Variants in SYNE2 observed in about 807,000 individuals in gnomAD.
The protein encoded by SYNE2 is spectrin repeat containing nuclear envelope protein 2.
A neutral mutation model predicts 856.3 loss-of-function variants in SYNE2; 431 were observed. The ratio of observed to expected loss-of-function variants is 0.50; its 90% CI spans 0.47 to 0.55. The LOEUF (loss-of-function observed/expected upper bound fraction) is 0.55, where lower values mean the gene tolerates loss of function less well. Among genes scored for constraint, SYNE2 ranks in the 20% least tolerant of loss-of-function variants. The pLI is 0.00. For synonymous variants in SYNE2, 2,923 were observed against 2,872.3 expected (o/e 1.02, Z -0.56); for missense variants, 8,129 against 8,023.2 (o/e 1.01, Z -0.50).
chr14:63,856,966 C>G (rs937623312), intron 1 of SYNE2, among the ~76,000 whole-genome samples: 1 of 152,058 alleles, frequency 6.6e-6, no homozygotes, highest in Non-Finnish European at 1.5e-5. Flanking sequence ...GAAGAGGTCT[C>G]ACCATGTTGC....
intron 2 of SYNE2, among the ~76,000 whole-genome samples, chr14:63,922,348 T>A (rs1157950435): frequency 6.6e-6 from 1 of 152,232 alleles, no homozygotes; most frequent in Non-Finnish European, 1.5e-5. Flanking sequence ...CTCCATCTTC[T>A]GGGAGGAAGT....
chr14:64,176,575 G>A (rs542247849), intron 95 of SYNE2, among the ~76,000 whole-genome samples: 25 of 152,230 alleles, frequency 1.6e-4, no homozygotes, highest in Middle Eastern at 3.4e-3. Flanking sequence ...AGCCAGCAGA[G>A]GAGAGGGGTG....
intron 1 of SYNE2, among the ~76,000 whole-genome samples, chr14:63,832,695 T>C (rs1166322826): frequency 2.0e-5 from 3 of 151,870 alleles, no homozygotes; most frequent in Admixed American, 1.3e-4. Context: ...AGTTTAACAA[T>C]TTACTTAAAA....
intron 10 of SYNE2, among the ~76,000 whole-genome samples, chr14:63,965,455 C>T (rs527815519): frequency 5.9e-5 from 9 of 152,246 alleles, no homozygotes; most frequent in South Asian, 2.1e-4. Context: ...GCTGTTTTTA[C>T]GTTGTGATGC....
At chr14:64,137,448 ACCATGTTGGTCAG>A (rs2153687692) in intron 78 of SYNE2, among the ~76,000 whole-genome samples, 1 of 152,148 alleles carries the variant, frequency 6.6e-6, no homozygotes, top group Non-Finnish European at 1.5e-5. Flanking sequence ...AGGAGGTTTC[ACCATGTTGGTCAG>A]CCTGGTCTCG....
intron 45 of SYNE2, among the ~76,000 whole-genome samples, chr14:64,032,730 G>A (rs544007020): frequency 2.4e-4 from 36 of 152,188 alleles, no homozygotes; most frequent in Admixed American, 1.2e-3. Flanking sequence ...GTGCCACCAC[G>A]CCTGGCTAAT....
chr14:64,024,923 A>T lies in SYNE2; in HGVS notation c.5852A>T (p.Asp1951Val). The T allele has an allele frequency of 6.2e-7, 1 of 1,613,994 alleles. No individual in the cohort carries two copies. The highest frequency in any genetic ancestry group is 8.5e-7 in the Non-Finnish European group (1 of 1,179,908). ...SLQQLLRLQD[D>V]HRNLRKWLTN... ...TAATGCTCTTTTAGACTCCAGGATG[A>T]CCATAGAAACCTGAGGAAGTGGTTG... Residue 1951 changes from aspartate (D) to valine (V), a missense_variant, in exon 40 of 116, where the codon GAC (aspartate) becomes GTC (valine). Coordinates refer to ENST00000555002, the MANE Select transcript of SYNE2 (RefSeq NM_182914.3).
chr14:64,184,358 G>GTGTGTGTGTGTGTGTGTGTGTGTGTA (rs989630777), intron 96 of SYNE2, among the ~76,000 whole-genome samples: 2 of 150,726 alleles, frequency 1.3e-5, no homozygotes, highest in African/African-American at 4.9e-5. Flanking sequence ...GTGTGTGTGT[G>GTGTGTGTGTGTGTGTGTGTGTGTGTA]TGTGTATGTG....
In SYNE2 at chr14:64,224,634, A is replaced by G. The variant is rs537683554; in HGVS notation, c.20469+87A>G. 3.4e-6 allele frequency: 5 copies of G among 1,473,800 alleles called. No homozygotes were observed. In the African/African-American group the frequency reaches 6.9e-5, roughly 20 times the overall value. 91.3% of individuals were successfully genotyped at this position (1,473,800 alleles called of 1,614,324 possible). ...GGGAAGCTTGGGATTCCAAGAGCCC[A>G]TTAGCCATTTCAGGACAGCACAGGT... On this transcript the variant is annotated intron_variant, in intron 114 of 115. Transcript: ENST00000555002.
chr14:63,872,229 G>A (rs1897016557), intron 1 of SYNE2, among the ~76,000 whole-genome samples: 1 of 151,904 alleles, frequency 6.6e-6, no homozygotes, highest in East Asian at 1.9e-4. Flanking sequence ...AGGAGTTCGA[G>A]ACCATCTTGG....
At chr14:64,207,149 G>A (rs1152596) in intron 100 of SYNE2, among the ~76,000 whole-genome samples, 8,666 of 152,208 alleles carry the variant, frequency 0.057, 478 homozygotes, top group East Asian at 0.33. Context: ...ATAACCTGGT[G>A]GTGTTCATTT....
chr14:63,990,636 G>T lies in SYNE2; in HGVS notation c.2472+67G>T, dbSNP rs1025288656. The T allele has an allele frequency of 1.4e-5, 19 of 1,351,740 alleles. No homozygotes were observed. In the Admixed American group the frequency reaches 3.2e-4, roughly 23 times the overall value. The allele number at this position is 1,351,740 out of a possible 1,614,324, so 83.7% of individuals were successfully genotyped here. A position where few individuals can be genotyped will look rare whatever the true frequency, so the allele number is the denominator to read the frequency against. On this transcript the variant is annotated intron_variant, in intron 20 of 115. Coordinates refer to ENST00000555002, the MANE Select transcript of SYNE2 (RefSeq NM_182914.3). The stretch of plus-strand genomic sequence containing the variant: ...AAACTGAGGGGTCACTGAGTGGGCA[G>T]TGAAGGGGGGTGATAGCCCTGTAGC...
In SYNE2 at chr14:64,052,590, A is replaced by G. The variant is rs760490307; in HGVS notation, c.8677A>G (p.Thr2893Ala). 11 of 1,614,016 alleles carry G rather than the reference A, an allele frequency of 6.8e-6. No homozygotes were observed. Among genetic ancestry groups the G allele is most frequent in the Admixed American group, 5.0e-5 (3 of 59,996 alleles). ...ELQEIDSGIS[T>A]HLQELTNIYE... ...GCAAGAAATTGACAGTGGAATCTCAACACATCTTCAGGAGCTAACAAACAT... is the reference window on the plus strand; with the variant it reads ...GCAAGAAATTGACAGTGGAATCTCAGCACATCTTCAGGAGCTAACAAACAT... Residue 2893 changes from threonine (T) to alanine (A), a missense_variant, in exon 48 of 116, where the codon ACA (threonine) becomes GCA (alanine). By Grantham distance (58) the Thr-to-Ala change is moderately conservative (BLOSUM62 0). This residue lies in a region of SYNE2 where 5,410 missense variants were observed against 5,284.8 expected (regional missense o/e 1.02). Transcript: ENST00000555002.
chr14:64,188,975 G>C, intron 98 of SYNE2: 1 of 702,522 alleles, frequency 1.4e-6, no homozygotes, highest in South Asian at 1.5e-5. Context: ...CAGGGAAGGG[G>C]CTTACATATC....
intron 16 of SYNE2, among the ~76,000 whole-genome samples, chr14:63,982,105 A>T (rs2096590010): frequency 6.6e-6 from 1 of 152,204 alleles, no homozygotes; most frequent in African/African-American, 2.4e-5. Flanking sequence ...AGGAGACACA[A>T]CAACATCCAT....
chr14:63,880,717 G>A (rs1017386850), intron 1 of SYNE2, among the ~76,000 whole-genome samples: 24 of 148,992 alleles, frequency 1.6e-4, no homozygotes, highest in African/African-American at 5.9e-4. Flanking sequence ...CTGGTGCCCA[G>A]GCTGGAGTAC....
chr14:63,768,571 T>G (rs1336734826), intron 1 of SYNE2, among the ~76,000 whole-genome samples: 3 of 152,164 alleles, frequency 2.0e-5, no homozygotes, highest in Non-Finnish European at 4.4e-5. Context: ...TTTTGCTCAG[T>G]TGCTGCTAAA....
chr14:63,923,558 G>A lies in SYNE2; in HGVS notation c.79+14331G>A, dbSNP rs1445046184. Among the ~76,000 whole-genome samples, 4 of 152,204 alleles carry A rather than the reference G, an allele frequency of 2.6e-5. No homozygotes were observed. In the East Asian group the frequency reaches 7.7e-4, roughly 29 times the overall value. On this transcript the variant is annotated intron_variant, in intron 2 of 115. Coordinates refer to ENST00000555002, the MANE Select transcript of SYNE2 (RefSeq NM_182914.3). Reference sequence around the variant, plus strand: ...CTATAGCATGAAAGCTCTGGGGTAGGTGCTGCAGGCAAAATGAGGAGCAAA... The same window carrying A: ...CTATAGCATGAAAGCTCTGGGGTAGATGCTGCAGGCAAAATGAGGAGCAAA...
chr14:63,765,477 C>T (rs1035011483), intron 1 of SYNE2, among the ~76,000 whole-genome samples: 4 of 152,206 alleles, frequency 2.6e-5, no homozygotes, highest in African/African-American at 4.8e-5. Context: ...CTCAGCCTCC[C>T]GAGTAGCTGA....
Sources: allele counts gnomAD v4.1 joint callset (sites outside exome capture counted in the v4.1 genomes callset), GRCh38; gene constraint gnomAD v4.1.1; regional missense constraint gnomAD v4.1.1; transcripts MANE v1.5; gene names NCBI Gene and HGNC (gene_info 2026-07-23, HGNC 2026-07-21).